The following IL4I1 variants were observed in gnomAD, a reference collection of about 807,000 sequenced individuals.
IL4I1 encodes interleukin 4 induced 1.
A neutral mutation model predicts 29.7 loss-of-function variants in IL4I1; 24 were observed. The observed-to-expected ratio is 0.81, with a 90% CI of 0.59 to 1.14. The LOEUF (loss-of-function observed/expected upper bound fraction) is 1.14, where lower values mean the gene tolerates loss of function less well. Ranked by LOEUF, IL4I1 falls within the 50% of genes most tolerant of loss-of-function variation. IL4I1 has a pLI of 0.00. For missense variants in IL4I1, 686 were observed against 785.6 expected, an observed-to-expected ratio of 0.87 and a Z score of 1.52; for synonymous variants, 371 against 352.5, an observed-to-expected ratio of 1.05 and a Z score of -0.59.
In IL4I1 at chr19:49,925,442, A is replaced by G. The variant is rs574808504; in HGVS notation, c.-228+2252T>C. Among the ~76,000 whole-genome samples, 11 of 98,224 alleles carry G rather than the reference A, an allele frequency of 1.1e-4. No homozygotes were observed. The South Asian group carries it at 1.5e-3, about 14-fold the overall frequency. The allele number at this position is 98,224 out of a possible 152,430, so 64.4% of individuals were successfully genotyped here. ...AGACCCTCCCCCCCATCTCTACTAA[A>G]AAAAGCCAAAAAAAAAAAAAAATAG... is the stretch of plus-strand genomic sequence containing the variant. On this transcript the variant is annotated intron_variant, in intron 2 of 9. Coordinates refer to the IL4I1 transcript ENST00000341114.
At chr19:49,904,156 TC>T (rs1191112445) in intron 3 of IL4I1, 1 of 152,086 alleles carries the variant, frequency 6.6e-6, no homozygotes, top group Non-Finnish European at 1.5e-5. Flanking sequence ...GCCACTCTTA[TC>T]CCTAAACAGG....
intron 2 of IL4I1, among the ~76,000 whole-genome samples, chr19:49,910,469 G>A (rs1436461634): frequency 6.6e-6 from 1 of 152,180 alleles, no homozygotes; most frequent in Non-Finnish European, 1.5e-5. Flanking sequence ...ACTCAGGGGA[G>A]GGTCTGAAAC....
chr19:49,908,464 G>C (rs1600496008), intron 2 of IL4I1: 1 of 1,614,152 alleles, frequency 6.2e-7, no homozygotes, highest in Non-Finnish European at 8.5e-7. Context: ...TGAGATCCTG[G>C]GCCATGCGCT....
chr19:49,897,143 C>T (rs1247908945), upstream of IL4I1, among the ~76,000 whole-genome samples: 1 of 152,220 alleles, frequency 6.6e-6, no homozygotes, highest in African/African-American at 2.4e-5. Context: ...AACGGGGAAT[C>T]CCCTTCGGTT....
At chr19:49,899,546 G>GTT (rs1439556525), upstream of IL4I1, among the ~76,000 whole-genome samples, 5 of 146,870 alleles carry the variant, frequency 3.4e-5, no homozygotes, top group African/African-American at 7.7e-5. Flanking sequence ...TACCACACCT[G>GTT]TTTTTTGTTT....
chr19:49,903,967 T>C (rs1473712802), intron 3 of IL4I1, among the ~76,000 whole-genome samples: 1 of 150,118 alleles, frequency 6.7e-6, no homozygotes, highest in Non-Finnish European at 1.5e-5. Flanking sequence ...AGCCTCCAAG[T>C]ATCTGAAACT....
Position 49,890,883 on chromosome 19 carries a change from C to T in IL4I1, c.773+88G>A, listed in dbSNP as rs962593371. 1.6e-5 allele frequency: 19 copies of T among 1,157,726 alleles called. No individual in the cohort carries two copies. In the African/African-American group the frequency reaches 2.8e-4, roughly 17 times the overall value. 71.7% of individuals were successfully genotyped at this position (1,157,726 alleles called of 1,614,324 possible). A position where few individuals can be genotyped will look rare whatever the true frequency, so the allele number is the denominator to read the frequency against. ...GCCACGCCCTTCACAACAGCCCCGC[C>T]CCCAGACCCAGAGGCTCCTCCCACT... On this transcript the variant is annotated intron_variant, in intron 7 of 7. Transcript: ENST00000391826.
chr19:49,910,358 G>A (rs2075432949), intron 2 of IL4I1, among the ~76,000 whole-genome samples: 2 of 152,054 alleles, frequency 1.3e-5, no homozygotes, highest in South Asian at 2.1e-4. Context: ...GATGGGGCCG[G>A]GAACCCAGGC....
rs1005408691 is a variant in IL4I1 at position 49,889,833 on chromosome 19, G to A, written c.1541C>T (p.Thr514Met). Residue 514 changes from threonine (T) to methionine (M), a missense_variant, in exon 8 of 8, where the codon ACG becomes ATG. Physicochemically the swap from Thr to Met is moderately conservative, Grantham distance 81 (BLOSUM62 -1). Coordinates refer to ENST00000391826, the MANE Select transcript of IL4I1 (RefSeq NM_152899.2). ...AGATGCGTGCCCCTCGGGGCTGGCC[G>A]TGTCCGATGCAGGCCCCTTCCGGCT... The part of the protein sequence containing the change: ...INSRKGPASD[T>M]ASPEGHASDM... 1 of 1,571,346 alleles carries A rather than the reference G, an allele frequency of 6.4e-7. No homozygotes were observed. Among genetic ancestry groups the A allele is most frequent in the Admixed American group, 1.9e-5 (1 of 53,616 alleles).
At chr19:49,895,330 TG>T in intron 3 of IL4I1, 150 bp from the exon 4 acceptor site, 1 of 634,098 alleles carries the variant, frequency 1.6e-6, no homozygotes, top group South Asian at 1.9e-5. Context: ...TGTATGGAGG[TG>T]GGGGAACAGA....
At chr19:49,918,005 A>G (rs2075668110) in intron 2 of IL4I1, among the ~76,000 whole-genome samples, 1 of 151,600 alleles carries the variant, frequency 6.6e-6, no homozygotes, top group South Asian at 2.1e-4. Context: ...GACTCTGTCT[A>G]AAACAAACAG....
upstream of IL4I1, chr19:49,901,712 G>A (rs1168999017): frequency 1.3e-6 from 2 of 1,530,128 alleles, no homozygotes; most frequent in Non-Finnish European, 1.8e-6. Flanking sequence ...AGTCATCGTT[G>A]GGCATGTGCG....
chr19:49,912,343 AT>A (rs993017186), intron 2 of IL4I1, among the ~76,000 whole-genome samples: 6 of 151,842 alleles, frequency 4.0e-5, no homozygotes, highest in Non-Finnish European at 8.8e-5. Flanking sequence ...TAATTTTTGT[AT>A]TTTTAGTAGA....
At chr19:49,909,993 T>A (rs1453513595) in intron 2 of IL4I1, 1 of 696,100 alleles carries the variant, frequency 1.4e-6, no homozygotes, top group Non-Finnish European at 2.6e-6. Flanking sequence ...TAATGATGCA[T>A]GCTGTGTAAC....
chr19:49,917,649 CCTGGCGGGAG>C (rs926359122), intron 2 of IL4I1: 1 of 152,436 alleles, frequency 6.6e-6, no homozygotes, highest in African/African-American at 2.4e-5. Flanking sequence ...GTTGCAGTCG[CCTGGCGGGAG>C]CTGGCGGTGG....
upstream of IL4I1, chr19:49,901,501 G>A: frequency 2.0e-6 from 1 of 508,734 alleles, no homozygotes; most frequent in Non-Finnish European, 3.2e-6. Flanking sequence ...CCCAGATTGG[G>A]GAAGGGACTC....
In IL4I1 at chr19:49,909,601, TGTGGCCGGAGTCTGG is replaced by T. The variant is rs751264947; in HGVS notation, c.-227-5295_-227-5281del. 2.5e-4 allele frequency: 404 copies of T among 1,613,992 alleles called. 2 individuals carry two copies. Among genetic ancestry groups the T allele is most frequent in the Admixed American group, 3.2e-4 (19 of 59,984 alleles). Reference sequence around the variant, plus strand: ...TTCCAAAAGTGAAGCCTGTCGTCTGTGTGGCCGGAGTCTGGGTGGCAAGTGAGAACAGGCCGGTGG... The same window carrying T: ...TTCCAAAAGTGAAGCCTGTCGTCTGTGTGGCAAGTGAGAACAGGCCGGTGG... On this transcript the variant is annotated intron_variant, in intron 2 of 9. Transcript: ENST00000341114.
chr19:49,896,296 TC>T, intron 1 of IL4I1, 114 bp from the exon 2 acceptor site: 5 of 1,281,742 alleles, frequency 3.9e-6, no homozygotes, highest in Non-Finnish European at 5.3e-6. Flanking sequence ...CCAGTCACTG[TC>T]CTGCTCTCTG....
chr19:49,902,843 G>A (rs1702780508), intron 3 of IL4I1, among the ~76,000 whole-genome samples: 1 of 151,432 alleles, frequency 6.6e-6, no homozygotes, highest in South Asian at 2.1e-4. Context: ...AAGGCCAGGT[G>A]TGGTGGCTCA....
Sources: gnomAD v4.1 joint callset for allele counts (sites outside exome capture counted in the v4.1 genomes callset) on GRCh38, gnomAD v4.1.1 for gene constraint, MANE v1.5 for transcripts, NCBI Gene and HGNC (gene_info 2026-07-23, HGNC 2026-07-21) for gene names.